NXPE1: variants seen among roughly 807,000 people sequenced by gnomAD.
NXPE1 encodes the protein NXPE family member 1.
A neutral mutation model predicts 33.3 loss-of-function variants in NXPE1; 31 were observed. The observed-to-expected ratio is 0.93, with a 90% CI of 0.70 to 1.26. The LOEUF (loss-of-function observed/expected upper bound fraction) is 1.26. Among genes scored for constraint, NXPE1 ranks in the 50% most tolerant of loss-of-function variants. The pLI, the probability that NXPE1 is intolerant of heterozygous loss-of-function variation, is 0.00. For missense variants in NXPE1, 661 were observed against 655.6 expected, an observed-to-expected ratio of 1.01 and a Z score of -0.09; for synonymous variants, 229 against 231.4, an observed-to-expected ratio of 0.99 and a Z score of 0.09.
intron 5 of NXPE1, among the ~76,000 whole-genome samples, chr11:114,544,547 C>T (rs189031061): frequency 6.6e-6 from 1 of 152,258 alleles, no homozygotes; most frequent in East Asian, 1.9e-4. Context: ...AGCCTAGACA[C>T]AGACCTCACA....
intron 5 of NXPE1, among the ~76,000 whole-genome samples, chr11:114,545,620 C>T (rs1948250056): frequency 6.6e-6 from 1 of 151,682 alleles, no homozygotes; most frequent in South Asian, 2.1e-4. Flanking sequence ...AGTGAAATTA[C>T]TGTGTATGAT....
chr11:114,534,018 A>T (rs1444427934), intron 5 of NXPE1, among the ~76,000 whole-genome samples: 1 of 152,180 alleles, frequency 6.6e-6, no homozygotes, highest in East Asian at 1.9e-4. Flanking sequence ...CAAGTAGCCT[A>T]ACTGGGAGGC....
chr11:114,525,105 T>A (rs1411153636), intron 7 of NXPE1, among the ~76,000 whole-genome samples: 1 of 151,860 alleles, frequency 6.6e-6, no homozygotes, highest in Non-Finnish European at 1.5e-5. Flanking sequence ...GATCTGGGGG[T>A]AATGGTGTGG....
chr11:114,533,844 G>C (rs1434670998), intron 5 of NXPE1, among the ~76,000 whole-genome samples: 2 of 152,230 alleles, frequency 1.3e-5, no homozygotes, highest in Non-Finnish European at 2.9e-5. Context: ...GCCTCTTTAG[G>C]CTCCACCTCT....
chr11:114,519,446 G>A (rs1215997885), downstream of NXPE1, among the ~76,000 whole-genome samples: 2 of 152,184 alleles, frequency 1.3e-5, no homozygotes, highest in Non-Finnish European at 2.9e-5. Context: ...GCAAAACTTA[G>A]TCTCTTTCCT....
At chr11:114,554,463 C>T (rs1948602789) in intron 1 of NXPE1, 1 of 776,118 alleles carries the variant, frequency 1.3e-6, no homozygotes, top group Admixed American at 6.3e-5. Flanking sequence ...AGTCCTATGA[C>T]CTCTTTTCCA....
intron 5 of NXPE1, among the ~76,000 whole-genome samples, chr11:114,532,400 A>G (rs1443107618): frequency 6.6e-6 from 1 of 152,144 alleles, no homozygotes; most frequent in East Asian, 1.9e-4. Context: ...AACTTACATT[A>G]TAAAATAGAT....
chr11:114,529,036 G>GA (rs1229471919), intron 6 of NXPE1: 10 of 403,466 alleles, frequency 2.5e-5, no homozygotes, highest in Non-Finnish European at 4.4e-5. Context: ...TAAGATTCTG[G>GA]AATGCATGTT....
At chr11:114,551,172 C>T (rs1321022949) in exon 5 of NXPE1, 13 of 1,535,034 alleles carry the variant, frequency 8.5e-6, no homozygotes, top group East Asian at 2.4e-5. Flanking sequence ...AGATCAGCAG[C>T]GTTTTTTGAA....
At chr11:114,554,071 C>G (rs77236046) in intron 1 of NXPE1, 2 of 985,434 alleles carry the variant, frequency 2.0e-6, no homozygotes, top group African/African-American at 3.5e-5. Context: ...TATCCCAAAT[C>G]AGAAACTTGG....
At chr11:114,523,569 AAT>A (rs1229612598) in intron 7 of NXPE1, among the ~76,000 whole-genome samples, 1 of 152,208 alleles carries the variant, frequency 6.6e-6, no homozygotes, top group Non-Finnish European at 1.5e-5. Context: ...CAAATAGTAT[AAT>A]AGTCACCTAG....
chr11:114,521,122 A>G (rs1372576550), downstream of NXPE1, among the ~76,000 whole-genome samples: 1 of 152,212 alleles, frequency 6.6e-6, no homozygotes, highest in African/African-American at 2.4e-5. Context: ...TCTTCCAAAA[A>G]GAAGAAATTT....
exon 6 of NXPE1, chr11:114,530,241 G>A (rs751653657): frequency 7.4e-6 from 12 of 1,614,084 alleles, no homozygotes; most frequent in Non-Finnish European, 1.0e-5. Flanking sequence ...GGTCATGTAG[G>A]TCAGAGCCTC....
intron 1 of NXPE1, chr11:114,554,338 C>T (rs1009393708): frequency 2.0e-6 from 2 of 985,046 alleles, no homozygotes; most frequent in Non-Finnish European, 2.4e-6. Flanking sequence ...CTTTCCTCTT[C>T]CTACTTGTGT....
At chr11:114,552,303 A>AATG (rs1948515560) in intron 2 of NXPE1, among the ~76,000 whole-genome samples, 11 of 151,812 alleles carry the variant, frequency 7.2e-5, no homozygotes, top group African/African-American at 2.7e-4. Context: ...ATGAATGAAT[A>AATG]CAGAAGAGAA....
intron 5 of NXPE1, among the ~76,000 whole-genome samples, chr11:114,547,518 T>C (rs1242469108): frequency 6.6e-6 from 1 of 152,176 alleles, no homozygotes; most frequent in Non-Finnish European, 1.5e-5. Flanking sequence ...GTTGATCACT[T>C]GAGGTTAGGA....
At chr11:114,539,876 A>G (rs1383715613) in intron 5 of NXPE1, among the ~76,000 whole-genome samples, 3 of 152,198 alleles carry the variant, frequency 2.0e-5, no homozygotes, top group African/African-American at 7.2e-5. Context: ...AAATTGTATC[A>G]AGAAAATGGT....
At chr11:114,540,621 T>C (rs7950370) in intron 5 of NXPE1, among the ~76,000 whole-genome samples, 24,844 of 151,914 alleles carry the variant, frequency 0.16, 2,280 homozygotes, top group South Asian at 0.23. Flanking sequence ...ACCAAGTAAC[T>C]TGTGACTCTC....
exon 6 of NXPE1, chr11:114,530,337 A>G: frequency 6.2e-7 from 1 of 1,614,216 alleles, no homozygotes; most frequent in Non-Finnish European, 8.5e-7. Flanking sequence ...ATTTGAGTTT[A>G]GGGTCAGGCC....
Sources: gnomAD v4.1 joint callset for allele counts (sites outside exome capture counted in the v4.1 genomes callset) on GRCh38, gnomAD v4.1.1 for gene constraint, MANE v1.5 for transcripts, NCBI Gene and HGNC (gene_info 2026-07-23, HGNC 2026-07-21) for gene names.